CFAP92: variants seen among roughly 807,000 people sequenced by gnomAD.
The protein encoded by CFAP92 is uncharacterized protein CFAP92.
Under a neutral mutation model 106.3 loss-of-function variants are expected in CFAP92, and 86 were observed. The ratio of observed to expected loss-of-function variants is 0.81; its 90% CI spans 0.68 to 0.97. CFAP92 has a LOEUF of 0.97. CFAP92 is among the 50% of genes least tolerant of loss of function. The pLI is 0.00. For synonymous variants in CFAP92, 477 were observed against 506.4 expected, an observed-to-expected ratio of 0.94 and a Z score of 0.78; for missense variants, 1,204 against 1,283.8, an observed-to-expected ratio of 0.94 and a Z score of 0.95.
At chr3:129,002,042 G>A (rs1296953101) in intron 1 of CFAP92, 4 of 1,543,546 alleles carry the variant, frequency 2.6e-6, no homozygotes, top group South Asian at 1.2e-5. Context: ...CCGAGCCGCC[G>A]GAGCTCACCT....
chr3:128,987,456 G>A (rs1027415071), intron 4 of CFAP92, among the ~76,000 whole-genome samples, 160 bp downstream of exon 4: 2 of 152,212 alleles, frequency 1.3e-5, no homozygotes, highest in Non-Finnish European at 2.9e-5. Flanking sequence ...GGCGCTTCCT[G>A]TCACCACAGC....
chr3:128,973,378 C>CG (rs1942939989), intron 7 of CFAP92, among the ~76,000 whole-genome samples: 1 of 152,092 alleles, frequency 6.6e-6, no homozygotes, highest in South Asian at 2.1e-4. Flanking sequence ...CGCCTGAGGC[C>CG]GGGCCCGGTG....
At chr3:128,946,781 T>G (rs1940261399) in intron 9 of CFAP92, among the ~76,000 whole-genome samples, 1 of 151,964 alleles carries the variant, frequency 6.6e-6, no homozygotes, top group East Asian at 1.9e-4. Context: ...CACGAGATCA[T>G]GGTAAAAATC....
chr3:128,924,785 C>T (rs2107691538), intron 12 of CFAP92, among the ~76,000 whole-genome samples: 1 of 152,294 alleles, frequency 6.6e-6, no homozygotes, highest in East Asian at 1.9e-4. Context: ...TTCCCATTAT[C>T]TCAAGTAGCA....
intron 10 of CFAP92, 95 bp downstream of exon 10, chr3:128,944,976 G>T: frequency 9.3e-7 from 1 of 1,081,010 alleles, no homozygotes; most frequent in Non-Finnish European, 1.3e-6. Context: ...CACAGACAAG[G>T]ATGCTAAACC....
upstream of CFAP92, among the ~76,000 whole-genome samples, chr3:128,997,491 G>T (rs889571717): frequency 6.6e-6 from 1 of 152,122 alleles, no homozygotes; most frequent in Non-Finnish European, 1.5e-5. Flanking sequence ...CCAGTCCTAG[G>T]CAACCATATC....
intron 4 of CFAP92, among the ~76,000 whole-genome samples, chr3:128,985,077 T>C (rs1943770642): frequency 6.6e-6 from 1 of 152,242 alleles, no homozygotes. Flanking sequence ...TTCGCACTGC[T>C]TTTTTAATGG....
intron 9 of CFAP92, among the ~76,000 whole-genome samples, chr3:128,963,768 T>C (rs1167066186): frequency 1.3e-5 from 2 of 149,786 alleles, no homozygotes; most frequent in Admixed American, 1.3e-4. Flanking sequence ...TCTCATTTCC[T>C]TTCCATCCTG....
Position 128,993,279 on chromosome 3 carries a change from T to C in CFAP92, c.26A>G (p.Glu9Gly). The change falls in exon 2 of 16, where the codon GAA becomes GGA. Residue 9 changes from glutamate to glycine, a missense_variant. Coordinates refer to ENST00000645291, the MANE Select transcript of CFAP92 (RefSeq NM_001394090.1). MSLHAWEW[E>G]EDPASIEPIS... is the part of the protein sequence containing the mutation. ...GGGCTCTATGCTTGCGGGGTCCTCT[T>C]CCCACTCCCAGGCATGTAGCGACAT... 1.2e-6 allele frequency: 2 copies of C among 1,613,630 alleles called. No homozygotes were observed. Among genetic ancestry groups the C allele is most frequent in the Non-Finnish European group, 1.7e-6 (2 of 1,179,828 alleles).
chr3:128,975,763 T>C lies in CFAP92; in HGVS notation c.1021+16A>G. On this transcript the variant is annotated intron_variant, in intron 7 of 15. Transcript: ENST00000645291. ...CTAGTTATATTATAAAATTCCCAAATCCTATCCTAACTTACTTTGAGACCT... is the reference window on the plus strand; with the variant it reads ...CTAGTTATATTATAAAATTCCCAAACCCTATCCTAACTTACTTTGAGACCT... The C allele has an allele frequency of 6.4e-7, 1 of 1,562,996 alleles. No homozygotes were observed. The highest frequency in any genetic ancestry group is 1.2e-5 in the South Asian group (1 of 83,012).
At chr3:128,995,694 G>A (rs1467009889), upstream of CFAP92, among the ~76,000 whole-genome samples, 5 of 152,210 alleles carry the variant, frequency 3.3e-5, no homozygotes, top group African/African-American at 1.2e-4. Flanking sequence ...AAGCTCAATA[G>A]TGAGAGGCCA....
In CFAP92 at chr3:128,935,149, C is replaced by T; in HGVS notation, c.2429G>A (p.Arg810Lys). ...CCTGGCTAGAGCCTGGAAGACCCGC[C>T]TCCGCTCAGTGTCTCGCAGGAAGAA... ...AVFFLRDTER[R>K]RVFQALARIH... Residue 810 changes from arginine to lysine, a missense_variant, in exon 11 of 16, where the codon AGG becomes AAG. Arg to Lys is a conservative substitution (Grantham distance 26). Coordinates refer to ENST00000645291, the MANE Select transcript of CFAP92 (RefSeq NM_001394090.1). 3 of 1,533,600 alleles carry T rather than the reference C, an allele frequency of 2.0e-6. No homozygotes were observed. Among genetic ancestry groups the T allele is most frequent in the Middle Eastern group, 3.4e-4 (2 of 5,904 alleles). 95.0% of individuals were successfully genotyped at this position (1,533,600 alleles called of 1,614,324 possible).
At chr3:128,947,356 C>T (rs574573242) in intron 9 of CFAP92, among the ~76,000 whole-genome samples, 1 of 152,280 alleles carries the variant, frequency 6.6e-6, no homozygotes, top group South Asian at 2.1e-4. Context: ...AATGCAATTC[C>T]AATCAAAATC....
intron 7 of CFAP92, among the ~76,000 whole-genome samples, chr3:128,973,354 G>C (rs544615650): frequency 5.9e-5 from 9 of 152,196 alleles, no homozygotes; most frequent in Admixed American, 1.3e-4. Context: ...CTGCAAGCAG[G>C]GGGGAACAGA....
chr3:128,996,254 G>A (rs568562275), upstream of CFAP92, among the ~76,000 whole-genome samples: 2 of 152,150 alleles, frequency 1.3e-5, no homozygotes, highest in South Asian at 2.1e-4. Flanking sequence ...GAGCCACCCT[G>A]GCTGACATTG....
In CFAP92 at chr3:128,993,097, G is replaced by A; in HGVS notation, c.208C>T (p.Pro70Ser). ...GTGAATTTGCAGGGGACCACGTGGG[G>A]CACGTCGGAGCTGAAAGTGCTGGCA... ...EPASTFSSDV[P>S]HVVPCKFTIS... is the part of the protein sequence containing the mutation. Residue 70 changes from proline (P) to serine (S), a missense_variant, in exon 2 of 16, where the codon CCC becomes TCC. Transcript: ENST00000645291. The A allele has an allele frequency of 6.2e-7, 1 of 1,614,096 alleles. No homozygotes were observed. Among genetic ancestry groups the A allele is most frequent in the Non-Finnish European group, 8.5e-7 (1 of 1,179,908 alleles).
At chr3:129,016,649 T>C in the CFAP92 span, among the ~76,000 whole-genome samples, 1 of 152,084 alleles carries the variant, frequency 6.6e-6, no homozygotes, top group Non-Finnish European at 1.5e-5. Context: ...GAGACAGAGC[T>C]ACAGCTGCAG....
chr3:128,993,108 C>T lies in CFAP92; in HGVS notation c.197G>A (p.Ser66Asn), dbSNP rs754926989. The change falls in exon 2 of 16, where the codon AGC becomes AAC. Residue 66 changes from serine to asparagine, a missense_variant. Coordinates refer to ENST00000645291, the MANE Select transcript of CFAP92 (RefSeq NM_001394090.1). ...ESSSEPASTF[S>N]SDVPHVVPCK... ...GGGGACCACGTGGGGCACGTCGGAG[C>T]TGAAAGTGCTGGCAGGCTCAGATGA... 6.2e-7 allele frequency: 1 copy of T among 1,614,098 alleles called. No homozygotes were observed. The highest frequency in any genetic ancestry group is 1.1e-5 in the South Asian group (1 of 91,090).
chr3:128,915,462 G>C lies in CFAP92; in HGVS notation c.3018C>G (p.Arg1006=), dbSNP rs1055830511. The C allele has an allele frequency of 1.3e-6, 2 of 1,536,098 alleles. No individual in the cohort carries two copies. The highest frequency in any genetic ancestry group is 4.9e-5 in the East Asian group (2 of 40,908). ...ATCCCCTGGCTGTGAGCCAGGCCTG[G>C]CGGGATTTCTTCTGGGCTTTCTTCT... is the stretch of plus-strand genomic sequence containing the variant. ...EEEKKAQKKS[R]QAWLTARGFQ... is the part of the protein sequence containing the mutation. The change falls in exon 14 of 16, where the codon CGC becomes CGG. Residue 1006 remains arginine (R), a synonymous_variant. Transcript: ENST00000645291.
Sources: gnomAD v4.1 joint callset for allele counts (sites outside exome capture counted in the v4.1 genomes callset) on GRCh38, gnomAD v4.1.1 for gene constraint, MANE v1.5 for transcripts, NCBI Gene and HGNC (gene_info 2026-07-23, HGNC 2026-07-21) for gene names.